Variants in BIN1 observed in about 807,000 individuals in gnomAD.
The protein encoded by BIN1 is bridging integrator 1, also known as myc box-dependent-interacting protein 1.
BIN1 carries 53 observed loss-of-function variants against 82.0 expected under a neutral mutation model. That is an observed-to-expected ratio of 0.65 (90% CI 0.52 to 0.81). The LOEUF is 0.81. BIN1 is among the 40% of genes least tolerant of loss of function. The pLI is 0.00. For missense variants in BIN1, 642 were observed against 784.4 expected (o/e 0.82, Z 2.17); for synonymous variants, 302 against 328.0 (o/e 0.92, Z 0.86).
intron 9 of BIN1, among the ~76,000 whole-genome samples, chr2:127,063,311 C>T (rs1040378219): frequency 6.6e-6 from 1 of 152,194 alleles, no homozygotes; most frequent in Admixed American, 6.5e-5. Context: ...TTTGAGAGGG[C>T]CTGGTCTACA....
intron 1 of BIN1, among the ~76,000 whole-genome samples, chr2:127,102,442 G>T (rs1680471432): frequency 6.6e-6 from 1 of 152,196 alleles, no homozygotes; most frequent in Non-Finnish European, 1.5e-5. Context: ...AATATGGAGG[G>T]AATCTACCAC....
At chr2:127,063,518 T>A in intron 9 of BIN1, 53 bp downstream of exon 9, 1 of 1,575,058 alleles carries the variant, frequency 6.3e-7, no homozygotes, top group African/African-American at 1.3e-5. Flanking sequence ...ACTCTGACTC[T>A]GACCCTCGGC....
At chr2:127,095,674 T>C (rs2105307050) in intron 1 of BIN1, among the ~76,000 whole-genome samples, 1 of 152,326 alleles carries the variant, frequency 6.6e-6, no homozygotes, top group South Asian at 2.1e-4. Flanking sequence ...AAAGGCCAAC[T>C]TGGGGCCAAG....
At chr2:127,050,131 G>A (rs1047025998) in intron 18 of BIN1, among the ~76,000 whole-genome samples, 4 of 152,152 alleles carry the variant, frequency 2.6e-5, no homozygotes, top group East Asian at 1.9e-4. Flanking sequence ...AGCTGAGAGC[G>A]CCTGAGCAAA....
chr2:127,089,702 T>C (rs992633487), intron 1 of BIN1, among the ~76,000 whole-genome samples: 2 of 152,012 alleles, frequency 1.3e-5, no homozygotes, highest in Non-Finnish European at 2.9e-5. Context: ...GCATCTAGTC[T>C]GGGCAGCTGG....
At chr2:127,106,806 C>T in intron 1 of BIN1, 54 bp downstream of exon 1, 2 of 1,550,826 alleles carry the variant, frequency 1.3e-6, no homozygotes, top group South Asian at 1.2e-5. Context: ...GACAGGTGGC[C>T]GGGGCTCCGC....
At chr2:127,078,935 G>C (rs1573702938) in intron 1 of BIN1, among the ~76,000 whole-genome samples, 3 of 151,694 alleles carry the variant, frequency 2.0e-5, no homozygotes, top group Admixed American at 6.6e-5. Context: ...CCACCAGAGA[G>C]AGCCAGAAGC....
chr2:127,089,966 C>T (rs1252241836), intron 1 of BIN1, among the ~76,000 whole-genome samples: 1 of 151,376 alleles, frequency 6.6e-6, no homozygotes, highest in Non-Finnish European at 1.5e-5. Flanking sequence ...TCTTCCCACC[C>T]TAGTCCCCAA....
intron 1 of BIN1, among the ~76,000 whole-genome samples, chr2:127,103,026 G>A (rs557291291): frequency 6.6e-6 from 1 of 152,292 alleles, no homozygotes; most frequent in South Asian, 2.1e-4. Context: ...GGTAGAGGGG[G>A]GCATCTTTGT....
Position 127,070,664 on chromosome 2 carries a change from A to AAGT in BIN1, c.221-20_221-18dup. The AAGT allele has an allele frequency of 6.2e-7, 1 of 1,613,890 alleles. No individual in the cohort carries two copies. On this transcript the variant is annotated splice_polypyrimidine_tract_variant and intron_variant, in intron 3 of 18. Transcript: ENST00000316724. Reference sequence around the variant, plus strand: ...CGTGCATGGCTGTGGGGCAGAAAGGAAGTATGTGGGCCTCCCACTGATAGC... The same window carrying AAGT: ...CGTGCATGGCTGTGGGGCAGAAAGGAAGTAGTATGTGGGCCTCCCACTGATAGC...
chr2:127,054,127 A>C, intron 12 of BIN1, 115 bp from the exon 13 acceptor site: 2 of 821,600 alleles, frequency 2.4e-6, no homozygotes, highest in South Asian at 1.5e-5. Context: ...ACATACACAC[A>C]CCACGCATGC....
chr2:127,059,160 G>A lies in BIN1; in HGVS notation c.858-5C>T, dbSNP rs75328896. On this transcript the variant is annotated splice_polypyrimidine_tract_variant and splice_region_variant and intron_variant, in intron 10 of 18. Transcript: ENST00000316724. This position sits in a 1 kb window ranked among gnomAD's most constrained non-coding sequence, Gnocchi z 6.7. The stretch of plus-strand genomic sequence containing the variant: ...CCTTTTGCAGGCGCGTTGTCACTGT[G>A]GGGGAGGACAAGAAAGGGAGCCCAG... The A allele has an allele frequency of 3.6e-4, 572 of 1,571,044 alleles. 2 individuals carry two copies. In the African/African-American group the frequency reaches 7.1e-3, roughly 19 times the overall value.
Position 127,082,038 on chromosome 2 carries a change from C to T in BIN1, c.85-5332G>A, listed in dbSNP as rs1687361624. Among the ~76,000 whole-genome samples, 1 of 152,124 alleles carries T rather than the reference C, an allele frequency of 6.6e-6. No homozygotes were observed. The highest frequency in any genetic ancestry group is 2.4e-5 in the African/African-American group (1 of 41,424). Reference sequence around the variant, plus strand: ...AGGCAGGCGGGCAGGGGGAAGGCCACTGTCAGACACCCGGCCAGGCTTTCT... The same window carrying T: ...AGGCAGGCGGGCAGGGGGAAGGCCATTGTCAGACACCCGGCCAGGCTTTCT... On this transcript the variant is annotated intron_variant, in intron 1 of 18. Transcript: ENST00000316724. This position sits in a 1 kb window ranked among gnomAD's most constrained non-coding sequence, Gnocchi z 6.1.
In BIN1 at chr2:127,068,981, C is replaced by T. The variant is rs1271713378; in HGVS notation, c.462G>A (p.Arg154=). 2 of 1,614,080 alleles carry T rather than the reference C, an allele frequency of 1.2e-6. No individual in the cohort carries two copies. The highest frequency in any genetic ancestry group is 1.7e-6 in the Non-Finnish European group (2 of 1,180,040). The part of the protein sequence containing the change: ...GRKLVDYDSA[R]HHYESLQTAK... ...CAGTTTGAAGGGACTCGTAGTGGTGCCGGGCACTGTCGTAGTCCACCAGCT... is the reference window on the plus strand; with the variant it reads ...CAGTTTGAAGGGACTCGTAGTGGTGTCGGGCACTGTCGTAGTCCACCAGCT... Residue 154 remains arginine, a synonymous_variant, in exon 6 of 19, where the codon CGG becomes CGA. Transcript: ENST00000316724. This position sits in a 1 kb window ranked among gnomAD's most constrained non-coding sequence, Gnocchi z 4.9.
chr2:127,056,780 C>T (rs1270082489), intron 12 of BIN1, among the ~76,000 whole-genome samples: 1 of 152,242 alleles, frequency 6.6e-6, no homozygotes, highest in African/African-American at 2.4e-5. Flanking sequence ...GCAAGATGCG[C>T]TTCCAGCACA....
intron 17 of BIN1, 109 bp from the exon 18 acceptor site, chr2:127,050,631 T>A: frequency 7.2e-7 from 1 of 1,385,198 alleles, no homozygotes; most frequent in Admixed American, 1.8e-5. Context: ...AGACCAGGAG[T>A]GCTCAAAAGC....
intron 1 of BIN1, among the ~76,000 whole-genome samples, chr2:127,080,951 C>T (rs1243651034): frequency 3.3e-5 from 5 of 152,234 alleles, no homozygotes; most frequent in South Asian, 2.1e-4. Context: ...CTCCGGCACC[C>T]GGGTCCACAG....
At chr2:127,077,358 CAT>C (rs1278801808) in intron 1 of BIN1, among the ~76,000 whole-genome samples, 3 of 152,200 alleles carry the variant, frequency 2.0e-5, no homozygotes, top group Non-Finnish European at 4.4e-5. Flanking sequence ...AGGGCACACA[CAT>C]GAGCTCACAG....
At chr2:127,065,243 G>C (rs566100552) in intron 7 of BIN1, among the ~76,000 whole-genome samples, 1 of 152,324 alleles carries the variant, frequency 6.6e-6, no homozygotes, top group South Asian at 2.1e-4. Flanking sequence ...TCGCTAGAGT[G>C]GGCGTGGGCT....
Sources: gnomAD v4.1 joint callset for allele counts (sites outside exome capture counted in the v4.1 genomes callset) on GRCh38, gnomAD v4.1.1 for gene constraint, Gnocchi (gnomAD v3.1) non-coding constraint, MANE v1.5 for transcripts, NCBI Gene and HGNC (gene_info 2026-07-23, HGNC 2026-07-21) for gene names.